PTGFRN: variants seen among roughly 807,000 people sequenced by gnomAD.
The protein encoded by PTGFRN is prostaglandin F2 receptor inhibitor.
Under a neutral mutation model 83.2 loss-of-function variants are expected in PTGFRN, and 35 were observed. The ratio of observed to expected loss-of-function variants is 0.42; its 90% confidence interval spans 0.32 to 0.56. The LOEUF (loss-of-function observed/expected upper bound fraction) is 0.56. Among genes scored for constraint, PTGFRN ranks in the 20% least tolerant of loss-of-function variants. The pLI, the probability that PTGFRN is intolerant of heterozygous loss-of-function variation, is 0.11. For missense variants in PTGFRN, 1,051 were observed against 1,179.5 expected, an observed-to-expected ratio of 0.89 and a Z score of 1.60; for synonymous variants, 519 against 498.6, an observed-to-expected ratio of 1.04 and a Z score of -0.55.
chr1:116,988,313 G>A lies in PTGFRN; in HGVS notation c.*1346G>A. 1 of 152,596 alleles carries A rather than the reference G, an allele frequency of 6.6e-6. No individual in the cohort carries two copies. The highest frequency in any genetic ancestry group is 6.5e-5 in the Admixed American group (1 of 15,306). The allele number at this position is 152,596 out of a possible 1,614,324, so 9.5% of individuals were successfully genotyped here. A position where few individuals can be genotyped will look rare whatever the true frequency, so the allele number is the denominator to read the frequency against. ...CAAGAGCGGTGTGCTTTGCCCGACTGCTCCCATCAGGAATAGGAGAGTAGA... is the reference window on the plus strand; with the variant it reads ...CAAGAGCGGTGTGCTTTGCCCGACTACTCCCATCAGGAATAGGAGAGTAGA... On this transcript the variant is annotated 3_prime_UTR_variant, in exon 9 of 9. Coordinates refer to ENST00000393203, the MANE Select transcript of PTGFRN (RefSeq NM_020440.4).
chr1:116,915,616 G>A (rs1379173964), intron 1 of PTGFRN, among the ~76,000 whole-genome samples: 1 of 152,174 alleles, frequency 6.6e-6, no homozygotes, highest in Non-Finnish European at 1.5e-5. Context: ...AGGCTAGTCG[G>A]CATTTATGTG....
chr1:116,972,908 G>A (rs188983455), intron 6 of PTGFRN, among the ~76,000 whole-genome samples: 1 of 152,268 alleles, frequency 6.6e-6, no homozygotes, highest in East Asian at 1.9e-4. Context: ...CCCAGTTTGG[G>A]TAGGGTTTTT....
chr1:116,971,368 G>C (rs1486518700), intron 6 of PTGFRN, among the ~76,000 whole-genome samples: 1 of 151,992 alleles, frequency 6.6e-6, no homozygotes, highest in East Asian at 1.9e-4. Flanking sequence ...TTTTTTTAGA[G>C]GCCAAGGTTG....
rs541619203 is a variant in PTGFRN at position 116,940,230 on chromosome 1, G to A, written c.50-1485G>A. Among the ~76,000 whole-genome samples the A allele has an allele frequency of 1.7e-4, 26 of 152,318 alleles. No homozygotes were observed. The South Asian group carries it at 2.9e-3, about 17-fold the overall frequency. On this transcript the variant is annotated intron_variant, in intron 1 of 8. Transcript: ENST00000393203. ...GCCAGAAGTCTAAGATCAAGGTGTCGGGGAGTGGTTCCTGCAGAGGGCTGA... is the reference window on the plus strand; with the variant it reads ...GCCAGAAGTCTAAGATCAAGGTGTCAGGGAGTGGTTCCTGCAGAGGGCTGA...
At chr1:116,942,158 A>C in intron 2 of PTGFRN, 75 bp downstream of exon 2, 1 of 1,510,882 alleles carries the variant, frequency 6.6e-7, no homozygotes, top group African/African-American at 1.4e-5. Flanking sequence ...GGACTTTGTC[A>C]AGAGACTTAA....
At position 116,967,074 on chromosome 1, in the gene PTGFRN, A is replaced by G; in HGVS notation, c.1803A>G (p.Glu601=). 1 of 1,614,230 alleles carries G rather than the reference A, an allele frequency of 6.2e-7. No individual in the cohort carries two copies. The highest frequency in any genetic ancestry group is 1.1e-5 in the South Asian group (1 of 91,084). The change falls in exon 6 of 9, where the codon GAA becomes GAG. Residue 601 remains glutamate (E), a synonymous_variant. Coordinates refer to ENST00000393203, the MANE Select transcript of PTGFRN (RefSeq NM_020440.4). ...KPVGDLSSPN[E]TKYIISLDQD... Reference sequence around the variant, plus strand: ...TCGGCGACCTCTCCAGTCCCAATGAAACGAAGTACATCATCTCTCTGGACC... The same window carrying G: ...TCGGCGACCTCTCCAGTCCCAATGAGACGAAGTACATCATCTCTCTGGACC...
chr1:116,963,930 C>T (rs1300175937), intron 5 of PTGFRN, among the ~76,000 whole-genome samples: 1 of 151,988 alleles, frequency 6.6e-6, no homozygotes, highest in Non-Finnish European at 1.5e-5. Flanking sequence ...CACTATAGGC[C>T]TCTATCATCA....
chr1:116,967,882 T>C (rs1650885395), intron 6 of PTGFRN, among the ~76,000 whole-genome samples: 1 of 152,260 alleles, frequency 6.6e-6, no homozygotes, highest in Non-Finnish European at 1.5e-5. Context: ...ATAATGCTGC[T>C]GTGGACATTC....
chr1:116,962,049 T>C (rs1650679236), intron 5 of PTGFRN, among the ~76,000 whole-genome samples: 1 of 152,312 alleles, frequency 6.6e-6, no homozygotes, highest in Middle Eastern at 3.4e-3. Context: ...GCCCATTTTC[T>C]TCCCACACTT....
chr1:116,924,561 T>C (rs1649610908), intron 1 of PTGFRN, among the ~76,000 whole-genome samples: 1 of 152,110 alleles, frequency 6.6e-6, no homozygotes, highest in Non-Finnish European at 1.5e-5. Flanking sequence ...GTAAAATTGA[T>C]GAGGTGAGTT....
intron 3 of PTGFRN, 98 bp from the exon 4 acceptor site, chr1:116,949,094 T>C: frequency 6.9e-7 from 1 of 1,440,354 alleles, no homozygotes; most frequent in Non-Finnish European, 9.3e-7. Context: ...TTTAATGCTG[T>C]AAATAAGAAC....
chr1:116,979,652 A>T (rs1158509655), intron 7 of PTGFRN, among the ~76,000 whole-genome samples: 1 of 152,232 alleles, frequency 6.6e-6, no homozygotes, highest in Non-Finnish European at 1.5e-5. Context: ...TGGTGCTGGG[A>T]AAACTGGCTA....
chr1:116,913,899 TCTC>T (rs1649336493), intron 1 of PTGFRN, among the ~76,000 whole-genome samples: 1 of 152,214 alleles, frequency 6.6e-6, no homozygotes, highest in South Asian at 2.1e-4. Context: ...ATTAACACAT[TCTC>T]TTTATGTCTT....
intron 7 of PTGFRN, among the ~76,000 whole-genome samples, chr1:116,983,647 C>CT (rs1264224696): frequency 6.6e-6 from 1 of 151,946 alleles, no homozygotes; most frequent in Non-Finnish European, 1.5e-5. Context: ...GTTCTGCTTA[C>CT]TTTTTTAATA....
At chr1:116,946,902 AATGAGT>A (rs1454299183) in intron 3 of PTGFRN, among the ~76,000 whole-genome samples, 2 of 152,248 alleles carry the variant, frequency 1.3e-5, no homozygotes, top group African/African-American at 4.8e-5. Flanking sequence ...TCTGAATAGT[AATGAGT>A]ATACATGATA....
Position 116,949,354 on chromosome 1 carries a change from C to T in PTGFRN, c.995C>T (p.Ala332Val), listed in dbSNP as rs781003149. The change falls in exon 4 of 9, where the codon GCG becomes GTG. Residue 332 changes from alanine (A) to valine (V), a missense_variant. Around this residue, in one of 3 missense-constraint regions of PTGFRN, gnomAD observed 719 missense variants for 836.6 expected, o/e 0.86. Coordinates refer to ENST00000393203, the MANE Select transcript of PTGFRN (RefSeq NM_020440.4). ...DSTLPGSRVL[A>V]RLDRDSLVHS... ...ACCCTACCTGGCTCCCGCGTGTTGG[C>T]GCGGCTTGACCGTGATTCCCTGGTG... is the stretch of plus-strand genomic sequence containing the variant. 52 of 1,614,144 alleles carry T rather than the reference C, an allele frequency of 3.2e-5. No individual in the cohort carries two copies. The highest frequency in any genetic ancestry group is 3.9e-5 in the Non-Finnish European group (46 of 1,180,066).
At position 116,909,969 on chromosome 1, in the gene PTGFRN, G is replaced by A. The variant is rs2101046478; in HGVS notation, c.-235G>A. 1.7e-6 allele frequency: 1 copy of A among 573,622 alleles called. No individual in the cohort carries two copies. The highest frequency in any genetic ancestry group is 3.1e-6 in the Non-Finnish European group (1 of 325,098). The allele number at this position is 573,622 out of a possible 1,614,324, so 35.5% of individuals were successfully genotyped here. A position where few individuals can be genotyped will look rare whatever the true frequency, so the allele number is the denominator to read the frequency against. On this transcript the variant is annotated 5_prime_UTR_variant, in exon 1 of 9. Coordinates refer to ENST00000393203, the MANE Select transcript of PTGFRN (RefSeq NM_020440.4). ...CTGCACACTCGGATCGGCGGGGCCGGCTCCCGGGCCCGGCCGGCTGGAGGA... is the reference window on the plus strand; with the variant it reads ...CTGCACACTCGGATCGGCGGGGCCGACTCCCGGGCCCGGCCGGCTGGAGGA...
rs76907995 is a variant in PTGFRN, at chr1:116,923,796, C to T, written c.49+13544C>T. Among the ~76,000 whole-genome samples the T allele has an allele frequency of 4.4e-3, 664 of 152,254 alleles. 7 individuals carry two copies. Among genetic ancestry groups the T allele is most frequent in the African/African-American group, 0.015 (638 of 41,530 alleles). On this transcript the variant is annotated intron_variant, in intron 1 of 8. Transcript: ENST00000393203. This position sits in a 1 kb window ranked among gnomAD's most constrained non-coding sequence, Gnocchi z 4.0. ...GGGGCAGTAGTACTGCCGCCTGTAG[C>T]GTGGGCCTGGTCTCACTGGGTAGTT...
chr1:116,951,309 A>G (rs558992816), intron 4 of PTGFRN, among the ~76,000 whole-genome samples: 24 of 152,354 alleles, frequency 1.6e-4, no homozygotes, highest in African/African-American at 5.8e-4. Context: ...GTGAAAAGAA[A>G]TAAAGAGACT....
Sources: allele counts gnomAD v4.1 joint callset (sites outside exome capture counted in the v4.1 genomes callset), GRCh38; gene constraint gnomAD v4.1.1; regional missense constraint gnomAD v4.1.1; non-coding constraint Gnocchi (gnomAD v3.1); transcripts MANE v1.5; gene names NCBI Gene and HGNC (gene_info 2026-07-23, HGNC 2026-07-21).